PLEKHA4: variants seen among roughly 807,000 people sequenced by gnomAD.
The protein encoded by PLEKHA4 is pleckstrin homology domain containing A4, also known as pleckstrin homology domain-containing family A member 4.
PLEKHA4 carries 73 observed loss-of-function variants against 94.7 expected under a neutral mutation model. That is an observed-to-expected ratio of 0.77 (90% confidence interval 0.64 to 0.94). The LOEUF (loss-of-function observed/expected upper bound fraction) is 0.94. PLEKHA4 is among the 40% of genes least tolerant of loss of function. The probability of loss-of-function intolerance (pLI) is 0.00; values close to 1 mark genes in which losing one functional copy is unlikely to be tolerated. For missense variants in PLEKHA4, 1,049 were observed against 1,054.1 expected (o/e 1.00, Z 0.07); for synonymous variants, 449 against 437.1 (o/e 1.03, Z -0.34).
Position 48,858,845 on chromosome 19 carries a change from C to T in PLEKHA4, c.972+15G>A, listed in dbSNP as rs1469768576. On this transcript the variant is annotated intron_variant, in intron 8 of 19. Transcript: ENST00000263265. ...ATGGGAAACGTAGTCCCCTCCTTCT[C>T]ACCTCTCTGCTCACCTGTGTTCTGG... 6.2e-7 allele frequency: 1 copy of T among 1,613,454 alleles called. No individual in the cohort carries two copies. Among genetic ancestry groups the T allele is most frequent in the Admixed American group, 1.7e-5 (1 of 59,816 alleles).
chr19:48,840,212 C>G lies in PLEKHA4; in HGVS notation c.1905+937G>C, dbSNP rs111479612. Among the ~76,000 whole-genome samples, 1,358 of 151,944 alleles carry G rather than the reference C, an allele frequency of 8.9e-3. 10 individuals are homozygous for G. Among genetic ancestry groups the G allele is most frequent in the South Asian group, 0.03 (146 of 4,810 alleles). On this transcript the variant is annotated intron_variant, in intron 17 of 19. Coordinates refer to ENST00000263265, the MANE Select transcript of PLEKHA4 (RefSeq NM_020904.3). ...GGAGGATCACTTGAGCTCAGGAGCT[C>G]GACACCAGCCTGGCCAACGTGGTAA...
chr19:48,841,299 G>A lies in PLEKHA4; in HGVS notation c.1755C>T (p.Ala585=), dbSNP rs755069706. Residue 585 remains alanine, a synonymous_variant, in exon 17 of 20, where the codon GCC becomes GCT. Transcript: ENST00000263265. The stretch of plus-strand genomic sequence containing the variant: ...GCTCCTGGGCACTCATCCGGGGCCG[G>A]GCCACCGGGGCCTAGGGAGGCGAGA... ...SPQLGTKAPV[A]RPRMSAQEQL... 1.2e-6 allele frequency: 2 copies of A among 1,609,764 alleles called. No homozygotes were observed. The highest frequency in any genetic ancestry group is 1.7e-6 in the Non-Finnish European group (2 of 1,178,098).
At chr19:48,863,197 A>G (rs2036708661) in intron 3 of PLEKHA4, among the ~76,000 whole-genome samples, 1 of 152,204 alleles carries the variant, frequency 6.6e-6, no homozygotes, top group African/African-American at 2.4e-5. Context: ...ACAGAGAATT[A>G]AGAACACTTG....
chr19:48,856,756 G>A (rs180743638), intron 9 of PLEKHA4, among the ~76,000 whole-genome samples: 12 of 146,078 alleles, frequency 8.2e-5, no homozygotes, highest in African/African-American at 2.6e-4. Context: ...AAAATTAGCC[G>A]GGCGTGGTGG....
In PLEKHA4 at chr19:48,859,695, G is replaced by C. The variant is rs780654132; in HGVS notation, c.477-11C>G. ...GACCTGGGTTGCCCACTAGCGAGTGGACATAGACAAGATATCACTCCTTCG... is the reference window on the plus strand; with the variant it reads ...GACCTGGGTTGCCCACTAGCGAGTGCACATAGACAAGATATCACTCCTTCG... On this transcript the variant is annotated splice_polypyrimidine_tract_variant and intron_variant, in intron 6 of 19. Coordinates refer to ENST00000263265, the MANE Select transcript of PLEKHA4 (RefSeq NM_020904.3). The C allele has an allele frequency of 1.1e-5, 18 of 1,608,152 alleles. No homozygotes were observed. The highest frequency in any genetic ancestry group is 1.5e-5 in the Non-Finnish European group (18 of 1,178,218).
At chr19:48,864,140 C>A (rs2123171911) in intron 3 of PLEKHA4, among the ~76,000 whole-genome samples, 1 of 151,822 alleles carries the variant, frequency 6.6e-6, no homozygotes, top group East Asian at 1.9e-4. Context: ...TGCTGCAGAC[C>A]TTTTCCTTTT....
At chr19:48,863,639 C>T (rs901118778) in intron 3 of PLEKHA4, among the ~76,000 whole-genome samples, 9 of 151,754 alleles carry the variant, frequency 5.9e-5, no homozygotes, top group Admixed American at 2.0e-4. Context: ...GGGGGTTCAC[C>T]GTGTTAGCCA....
At chr19:48,856,765 G>T (rs2036428298) in intron 9 of PLEKHA4, among the ~76,000 whole-genome samples, 1 of 150,180 alleles carries the variant, frequency 6.7e-6, no homozygotes, top group Non-Finnish European at 1.5e-5. Flanking sequence ...CGGGCGTGGT[G>T]GCGGGCGCCT....
At chr19:48,855,410 C>A (rs1419669525) in intron 9 of PLEKHA4, among the ~76,000 whole-genome samples, 3 of 152,016 alleles carry the variant, frequency 2.0e-5, no homozygotes, top group African/African-American at 7.2e-5. Flanking sequence ...TCGAGACCAG[C>A]CTGACCAACA....
At chr19:48,838,727 A>G (rs1324244495) in intron 18 of PLEKHA4, among the ~76,000 whole-genome samples, 2 of 149,538 alleles carry the variant, frequency 1.3e-5, no homozygotes, top group African/African-American at 4.9e-5. Context: ...AGATCACGCC[A>G]TTGCACTCCA....
chr19:48,843,770 G>A (rs138580782), intron 16 of PLEKHA4, among the ~76,000 whole-genome samples: 1 of 152,210 alleles, frequency 6.6e-6, no homozygotes, highest in African/African-American at 2.4e-5. Context: ...CGATTCTCCT[G>A]TCTCAGCCTC....
chr19:48,859,463 A>G lies in PLEKHA4; in HGVS notation c.692+6T>C, dbSNP rs2036552518. 6.2e-7 allele frequency: 1 copy of G among 1,612,776 alleles called. No individual in the cohort carries two copies. Among genetic ancestry groups the G allele is most frequent in the South Asian group, 1.1e-5 (1 of 91,014 alleles). ...CCACGCCCACAACCATGTCCTCCCTACTCACTCGGGGCTCCTCGCCCTCCG... is the reference window on the plus strand; with the variant it reads ...CCACGCCCACAACCATGTCCTCCCTGCTCACTCGGGGCTCCTCGCCCTCCG... On this transcript the variant is annotated splice_donor_region_variant and intron_variant, in intron 7 of 19. Coordinates refer to ENST00000263265, the MANE Select transcript of PLEKHA4 (RefSeq NM_020904.3).
intron 6 of PLEKHA4, 67 bp downstream of exon 6, chr19:48,860,283 G>A (rs2123127045): frequency 1.5e-6 from 2 of 1,367,782 alleles, no homozygotes; most frequent in Non-Finnish European, 1.0e-6. Flanking sequence ...CCCCAAAGGG[G>A]AGGAGTTGGG....
chr19:48,852,316 C>G lies in PLEKHA4; in HGVS notation c.1337G>C (p.Arg446Thr), dbSNP rs760986351. 5.0e-6 allele frequency: 8 copies of G among 1,613,836 alleles called. No individual in the cohort carries two copies. Among genetic ancestry groups the G allele is most frequent in the Admixed American group, 1.7e-5 (1 of 59,964 alleles). ...CAGGCCACTGTACGTGTCCCAAACC[C>G]TCTCTCGCTCCTCAGGTTGCATAAA... ...TLCHLTQERE[R>T]VWDTYSGLEQ... Residue 446 changes from arginine (R) to threonine (T), a missense_variant, in exon 13 of 20, where the codon AGG becomes ACG. Coordinates refer to ENST00000263265, the MANE Select transcript of PLEKHA4 (RefSeq NM_020904.3).
At position 48,845,539 on chromosome 19, in the gene PLEKHA4, T is replaced by C. The variant is rs1181124299; in HGVS notation, c.1644A>G (p.Lys548=). Residue 548 remains lysine (K), a synonymous_variant, in exon 15 of 20, where the codon AAA becomes AAG. Transcript: ENST00000263265. ...CACCTAAGTGAGGGCTGGCGAGGTC[T>C]TTGTCGCCTCCAGGAGGCCGCCCCC... ...TDWGRPPGGD[K]DLASPHLGLG... is the part of the protein sequence containing the mutation. 1 of 1,610,292 alleles carries C rather than the reference T, an allele frequency of 6.2e-7. No homozygotes were observed. Among genetic ancestry groups the C allele is most frequent in the South Asian group, 1.1e-5 (1 of 90,862 alleles).
Position 48,837,367 on chromosome 19 carries a change from G to A in PLEKHA4, c.2262C>T (p.Ala754=). 1.2e-6 allele frequency: 2 copies of A among 1,613,700 alleles called. No homozygotes were observed. The highest frequency in any genetic ancestry group is 1.7e-6 in the Non-Finnish European group (2 of 1,179,974). The change falls in exon 20 of 20, where the codon GCC becomes GCT. Residue 754 remains alanine (A), a synonymous_variant. Coordinates refer to ENST00000263265, the MANE Select transcript of PLEKHA4 (RefSeq NM_020904.3). The surrounding 1 kb of genome is among the most constrained non-coding windows in gnomAD (Gnocchi z 4.3). ...GTGGCAGGACCGGAGGGGCGATCCC[G>A]GCATCCCACGCGGGCCCCCAGGGGG... ...GPTPWGPAWD[A]GIAPPVLPQD... is the part of the protein sequence containing the mutation.
At chr19:48,848,197 A>AG (rs1568540138) in intron 13 of PLEKHA4, among the ~76,000 whole-genome samples, 157 bp from the exon 14 acceptor site, 1 of 152,132 alleles carries the variant, frequency 6.6e-6, no homozygotes. Flanking sequence ...ATTGAAAAAA[A>AG]CTGTCTTGGC....
chr19:48,838,039 C>A lies in PLEKHA4; in HGVS notation c.2055G>T (p.Ser685=). The A allele has an allele frequency of 6.2e-7, 1 of 1,613,472 alleles. No individual in the cohort carries two copies. Among genetic ancestry groups the A allele is most frequent in the Non-Finnish European group, 8.5e-7 (1 of 1,179,630 alleles). The change falls in exon 19 of 20, where the codon TCG becomes TCT. Residue 685 remains serine, a synonymous_variant. Transcript: ENST00000263265. ...CACCTGTCATCATTCTGTGCCACTG[C>A]GACGCCTCAGTAGCCAGGGCTTGGG... ...SLSQALATEA[S]QWHRMMTGGN... is the part of the protein sequence containing the mutation.
chr19:48,837,200 G>A lies in PLEKHA4; in HGVS notation c.*89C>T. ...GGGCCCGCAATGGGGACCAGACCAC[G>A]CCCCCTGATGCCCTGAGTGGTCCCA... On this transcript the variant is annotated 3_prime_UTR_variant, in exon 20 of 20. Coordinates refer to ENST00000263265, the MANE Select transcript of PLEKHA4 (RefSeq NM_020904.3). This position sits in a 1 kb window ranked among gnomAD's most constrained non-coding sequence, Gnocchi z 4.3. 1 of 1,587,812 alleles carries A rather than the reference G, an allele frequency of 6.3e-7. No homozygotes were observed. The highest frequency in any genetic ancestry group is 1.1e-5 in the South Asian group (1 of 90,202).
Sources: allele counts gnomAD v4.1 joint callset (sites outside exome capture counted in the v4.1 genomes callset), GRCh38; gene constraint gnomAD v4.1.1; non-coding constraint Gnocchi (gnomAD v3.1); transcripts MANE v1.5; gene names NCBI Gene and HGNC (gene_info 2026-07-23, HGNC 2026-07-21).